The following SLC4A7 variants were observed in gnomAD, a reference collection of about 807,000 sequenced individuals.
SLC4A7 encodes the protein sodium bicarbonate cotransporter 3.
Under a neutral mutation model 137.6 loss-of-function variants are expected in SLC4A7, and 51 were observed. The ratio of observed to expected loss-of-function variants is 0.37; its 90% CI spans 0.30 to 0.47. The LOEUF (loss-of-function observed/expected upper bound fraction) is 0.47, where lower values mean the gene tolerates loss of function less well. SLC4A7 is among the 20% of genes least tolerant of loss of function. SLC4A7 has a pLI of 1.00. For missense variants in SLC4A7, 1,247 were observed against 1,525.4 expected (o/e 0.82, Z 3.04); for synonymous variants, 542 against 518.6 (o/e 1.05, Z -0.61).
At chr3:27,385,099 T>TCAATAAAA (rs1351122123) in intron 23 of SLC4A7, among the ~76,000 whole-genome samples, 1 of 152,104 alleles carries the variant, frequency 6.6e-6, no homozygotes, top group Non-Finnish European at 1.5e-5. Flanking sequence ...AAACATAAAA[T>TCAATAAAA]CAATAAAATT....
At chr3:27,414,096 A>G (rs967773471) in intron 11 of SLC4A7, among the ~76,000 whole-genome samples, 32 of 152,176 alleles carry the variant, frequency 2.1e-4, no homozygotes, top group African/African-American at 7.7e-4. Flanking sequence ...CCTGGCCAAC[A>G]TGGTGAAACC....
chr3:27,405,818 T>C (rs115584541), intron 13 of SLC4A7, among the ~76,000 whole-genome samples: 246 of 152,254 alleles, frequency 1.6e-3, no homozygotes, highest in African/African-American at 5.7e-3. Context: ...TCACTAAAGT[T>C]TGGCAAGAAA....
At chr3:27,400,205 T>C (rs1180537297) in intron 16 of SLC4A7, among the ~76,000 whole-genome samples, 2 of 152,236 alleles carry the variant, frequency 1.3e-5, no homozygotes, top group Admixed American at 6.5e-5. Flanking sequence ...CAAACATCTG[T>C]AATAGTATTC....
chr3:27,449,541 G>A (rs188502682), intron 2 of SLC4A7, among the ~76,000 whole-genome samples: 156 of 152,082 alleles, frequency 1.0e-3, no homozygotes, highest in African/African-American at 3.7e-3. Flanking sequence ...GAAACTGTCA[G>A]ATTAAATAAA....
At position 27,469,982 on chromosome 3, in the gene SLC4A7, A is replaced by C. The variant is rs552836427; in HGVS notation, c.60+14085T>G. Among the ~76,000 whole-genome samples the C allele has an allele frequency of 9.8e-5, 15 of 152,344 alleles. No individual in the cohort carries two copies. The East Asian group carries it at 2.9e-3, about 29-fold the overall frequency. On this transcript the variant is annotated intron_variant, in intron 1 of 25. Transcript: ENST00000454389. ...AAAAATAAATACTTGCCTTCTTTCA[A>C]GCCTCCTTTAACCATGTATTGGCAT...
chr3:27,417,355 T>TA (rs925005814), intron 11 of SLC4A7, among the ~76,000 whole-genome samples: 2 of 151,952 alleles, frequency 1.3e-5, no homozygotes, highest in Non-Finnish European at 2.9e-5. Flanking sequence ...ATTTAAATGT[T>TA]AAAAAAAATA....
intron 1 of SLC4A7, among the ~76,000 whole-genome samples, chr3:27,483,636 G>A (rs761987813): frequency 2.0e-5 from 3 of 152,208 alleles, no homozygotes; most frequent in Non-Finnish European, 4.4e-5. Flanking sequence ...TCCTTAGAAG[G>A]AGAAGAAAGA....
At chr3:27,397,596 A>T in intron 18 of SLC4A7, 88 bp downstream of exon 18, 1 of 702,252 alleles carries the variant, frequency 1.4e-6, no homozygotes. Context: ...ACATACTTTT[A>T]AAACAATAAC....
At position 27,431,531 on chromosome 3, in the gene SLC4A7, G is replaced by GA. The variant is rs1247919023; in HGVS notation, c.916dup (p.Ser306PhefsTer17). Reference sequence around the variant, plus strand: ...GGTGGGTACTGGGGTTGTACACCTTGAGCCTGCAGGGGTTCCAGCTCTTGA... The same window carrying GA: ...GGTGGGTACTGGGGTTGTACACCTTGAAGCCTGCAGGGGTTCCAGCTCTTGA... On this transcript the variant is annotated frameshift_variant, in exon 7 of 26. Coordinates refer to ENST00000454389, the MANE Select transcript of SLC4A7 (RefSeq NM_001321103.2). LOFTEE classifies it high-confidence loss of function. 1.2e-6 allele frequency: 2 copies of GA among 1,614,042 alleles called. No individual in the cohort carries two copies. Among genetic ancestry groups the GA allele is most frequent in the African/African-American group, 2.7e-5 (2 of 74,916 alleles).
At chr3:27,458,313 TAA>T (rs1316155459) in intron 1 of SLC4A7, among the ~76,000 whole-genome samples, 1 of 152,176 alleles carries the variant, frequency 6.6e-6, no homozygotes, top group African/African-American at 2.4e-5. Context: ...ATCCCACAGC[TAA>T]AGTCTTACTA....
intron 11 of SLC4A7, among the ~76,000 whole-genome samples, chr3:27,412,349 G>C (rs953465601): frequency 6.6e-6 from 1 of 152,136 alleles, no homozygotes; most frequent in Admixed American, 6.5e-5. Flanking sequence ...GAGATGCTGG[G>C]GCTAAAAATA....
chr3:27,404,827 T>A lies in SLC4A7; in HGVS notation c.2075+3A>T. The A allele has an allele frequency of 1.9e-6, 3 of 1,596,672 alleles. No homozygotes were observed. Among genetic ancestry groups the A allele is most frequent in the Non-Finnish European group, 2.6e-6 (3 of 1,171,212 alleles). On this transcript the variant is annotated splice_donor_region_variant and intron_variant, in intron 14 of 25. Coordinates refer to ENST00000454389, the MANE Select transcript of SLC4A7 (RefSeq NM_001321103.2). The stretch of plus-strand genomic sequence containing the variant: ...GTGATAAGTAGAGAGGGCTATTACT[T>A]ACCTGCAGAATTTATATAAAATTTT...
intron 8 of SLC4A7, 109 bp from the exon 9 acceptor site, chr3:27,421,888 T>C: frequency 1.4e-6 from 1 of 735,374 alleles, no homozygotes; most frequent in Non-Finnish European, 2.2e-6. Flanking sequence ...TAATCAAAAC[T>C]TGTGATCTAA....
intron 12 of SLC4A7, among the ~76,000 whole-genome samples, chr3:27,410,858 T>G (rs1002010849): frequency 6.6e-6 from 1 of 152,228 alleles, no homozygotes; most frequent in Non-Finnish European, 1.5e-5. Flanking sequence ...CTAAAGTCTA[T>G]ATTCAGTATG....
chr3:27,478,518 A>AG (rs1427134101), intron 1 of SLC4A7, among the ~76,000 whole-genome samples: 1 of 151,698 alleles, frequency 6.6e-6, no homozygotes, highest in Non-Finnish European at 1.5e-5. Flanking sequence ...CCTCAAAAAA[A>AG]AAAAAAAAAA....
In SLC4A7 at chr3:27,394,538, A is replaced by T; in HGVS notation, c.3097T>A (p.Phe1033Ile). ...MIFILMGLSV[F>I]MTSVLKFIPM... ...TTTACCTTTAGGACTGAAGTCATGAACACAGAGAGGCCCATTAGAATAAAA... is the reference window on the plus strand; with the variant it reads ...TTTACCTTTAGGACTGAAGTCATGATCACAGAGAGGCCCATTAGAATAAAA... Residue 1033 changes from phenylalanine (F) to isoleucine (I), a missense_variant, in exon 20 of 26, where the codon TTC (phenylalanine) becomes ATC (isoleucine). Phe to Ile is a conservative substitution (Grantham distance 21). This residue lies in a region of SLC4A7 where 290 missense variants were observed against 323.8 expected (regional missense o/e 0.90). Coordinates refer to ENST00000454389, the MANE Select transcript of SLC4A7 (RefSeq NM_001321103.2). 2 of 1,614,102 alleles carry T rather than the reference A, an allele frequency of 1.2e-6. No individual in the cohort carries two copies. Among genetic ancestry groups the T allele is most frequent in the Non-Finnish European group, 1.7e-6 (2 of 1,179,946 alleles).
intron 15 of SLC4A7, among the ~76,000 whole-genome samples, chr3:27,402,782 T>C: frequency 6.6e-6 from 1 of 152,278 alleles, no homozygotes; most frequent in African/African-American, 2.4e-5. Context: ...CATTCTATTA[T>C]ACATCTAGGA....
chr3:27,415,375 A>G (rs933081013), intron 11 of SLC4A7, among the ~76,000 whole-genome samples: 7 of 152,206 alleles, frequency 4.6e-5, no homozygotes, highest in African/African-American at 1.7e-4. Flanking sequence ...TTTCCCTTCA[A>G]AGCTCAGCAT....
chr3:27,448,612 G>A (rs187000735), intron 3 of SLC4A7, 39 bp downstream of exon 3: 3 of 1,540,752 alleles, frequency 1.9e-6, no homozygotes, highest in African/African-American at 1.4e-5. Flanking sequence ...CAGGAAAATA[G>A]GAACTTTAAA....
Sources: gnomAD v4.1 joint callset for allele counts (sites outside exome capture counted in the v4.1 genomes callset) on GRCh38, gnomAD v4.1.1 for gene constraint, gnomAD v4.1.1 regional missense constraint, MANE v1.5 for transcripts, NCBI Gene and HGNC (gene_info 2026-07-23, HGNC 2026-07-21) for gene names.